Variants in LYRM4 observed in about 807,000 individuals in gnomAD.
LYRM4 encodes LYR motif containing 4.
In LYRM4, 9 loss-of-function variants were observed where a neutral mutation model predicts 11.7. That is an observed-to-expected ratio of 0.77 (90% CI 0.46 to 1.34). The LOEUF (loss-of-function observed/expected upper bound fraction) is 1.34. LYRM4 is among the 40% of genes most tolerant of loss of function. The pLI is 0.00. For missense variants in LYRM4, 133 were observed against 112.5 expected, an observed-to-expected ratio of 1.18 and a Z score of -0.82; for synonymous variants, 42 against 40.4, an observed-to-expected ratio of 1.04 and a Z score of -0.15.
chr6:5,245,089 T>TTAAAA lies in LYRM4; in HGVS notation c.86+15558_86+15559insTTTTA, dbSNP rs1347789118. On this transcript the variant is annotated intron_variant, in intron 1 of 2. Transcript: ENST00000330636. ...GCTGACTTTATTTGCAGGAAGACCT[T>TTAAAA]AAAAAAAAAAAAAAAAAAAAAAAAA... is the stretch of plus-strand genomic sequence containing the variant. Among the ~76,000 whole-genome samples, 9 of 15,496 alleles carry TTAAAA rather than the reference T, an allele frequency of 5.8e-4. 3 individuals carry two copies. The highest frequency in any genetic ancestry group is 1.5e-3 in the African/African-American group (9 of 5,986). 10.2% of individuals were successfully genotyped at this position (15,496 alleles called of 152,430 possible). A position where few individuals can be genotyped will look rare whatever the true frequency, so the allele number is the denominator to read the frequency against.
At chr6:5,148,805 ACTG>A (rs200469336) in intron 2 of LYRM4, among the ~76,000 whole-genome samples, 1 of 152,180 alleles carries the variant, frequency 6.6e-6, no homozygotes, top group East Asian at 1.9e-4. Flanking sequence ...TAATGGAATA[ACTG>A]CTAATTAAAT....
At chr6:5,076,422 T>C in the LYRM4 span, among the ~76,000 whole-genome samples, 5 of 152,322 alleles carry the variant, frequency 3.3e-5, no homozygotes, top group East Asian at 1.9e-4. Context: ...AATTCATTGA[T>C]AGCCTTGGGC....
intron 2 of LYRM4, among the ~76,000 whole-genome samples, chr6:5,130,871 T>G (rs1391829137): frequency 6.0e-5 from 9 of 151,200 alleles, no homozygotes; most frequent in African/African-American, 2.4e-5. Context: ...AAAAGAGAGA[T>G]AAACAGGGAA....
intron 1 of LYRM4, among the ~76,000 whole-genome samples, chr6:5,235,866 G>A (rs13202971): frequency 0.049 from 7,466 of 152,218 alleles, 603 homozygotes; most frequent in African/African-American, 0.16. Flanking sequence ...ACTGGAAAAA[G>A]TGTGAAAATA....
the LYRM4 span, among the ~76,000 whole-genome samples, chr6:5,036,855 T>G: frequency 6.6e-6 from 1 of 152,184 alleles, no homozygotes; most frequent in African/African-American, 2.4e-5. Context: ...GTTATACCAC[T>G]GGGAGCTCCT....
At chr6:5,121,942 G>C (rs1763475852) in intron 2 of LYRM4, among the ~76,000 whole-genome samples, 1 of 152,214 alleles carries the variant, frequency 6.6e-6, no homozygotes, top group East Asian at 1.9e-4. Context: ...TTCACCACCT[G>C]CTCTGGGGGA....
chr6:5,143,116 A>G (rs1757499139), intron 2 of LYRM4, among the ~76,000 whole-genome samples: 3 of 152,180 alleles, frequency 2.0e-5, no homozygotes, highest in East Asian at 1.9e-4. Flanking sequence ...CCTGTTCACA[A>G]TGCCTCAGGG....
the LYRM4 span, among the ~76,000 whole-genome samples, chr6:5,064,287 C>A: frequency 6.6e-6 from 1 of 152,070 alleles, no homozygotes; most frequent in African/African-American, 2.4e-5. Flanking sequence ...AAGCCCTGAA[C>A]GGCAAACGAG....
intron 1 of LYRM4, among the ~76,000 whole-genome samples, chr6:5,239,588 C>T (rs190019319): frequency 6.6e-5 from 10 of 151,992 alleles, no homozygotes; most frequent in Non-Finnish European, 1.0e-4. Flanking sequence ...GTGTCCCGCA[C>T]GCTAGGGAAG....
the LYRM4 span, among the ~76,000 whole-genome samples, chr6:5,092,475 G>T: frequency 2.6e-5 from 4 of 152,218 alleles, no homozygotes; most frequent in South Asian, 4.1e-4. Flanking sequence ...ACTTTCGGAG[G>T]CTGAGGCAGG....
intron 2 of LYRM4, among the ~76,000 whole-genome samples, chr6:5,149,258 A>G (rs575971263): frequency 6.6e-6 from 1 of 152,352 alleles, no homozygotes; most frequent in East Asian, 1.9e-4. Context: ...ACACGTGGGA[A>G]AAGCCTGCTA....
Position 5,108,666 on chromosome 6 carries a change from G to C in LYRM4, c.*757C>G, listed in dbSNP as rs1422333945. ...TTTGGGCACCGGTGCTGCCCAGCATGCCCCAGGCTTCAGGGTATGGGAGTC... is the reference window on the plus strand; with the variant it reads ...TTTGGGCACCGGTGCTGCCCAGCATCCCCCAGGCTTCAGGGTATGGGAGTC... On this transcript the variant is annotated 3_prime_UTR_variant, in exon 3 of 3. Transcript: ENST00000330636. 1.7e-6 allele frequency: 1 copy of C among 596,724 alleles called. No individual in the cohort carries two copies. The highest frequency in any genetic ancestry group is 2.1e-6 in the Non-Finnish European group (1 of 474,576). The allele number at this position is 596,724 out of a possible 1,614,324, so 37.0% of individuals were successfully genotyped here. A position where few individuals can be genotyped will look rare whatever the true frequency, so the allele number is the denominator to read the frequency against.
At chr6:5,139,258 C>T (rs1270899960) in intron 2 of LYRM4, among the ~76,000 whole-genome samples, 1 of 152,212 alleles carries the variant, frequency 6.6e-6, no homozygotes, top group Admixed American at 6.5e-5. Flanking sequence ...TGCATTTCCA[C>T]CTCGCTAACT....
intron 2 of LYRM4, among the ~76,000 whole-genome samples, chr6:5,203,190 G>A (rs1335980129): frequency 6.6e-6 from 1 of 152,154 alleles, no homozygotes; most frequent in African/African-American, 2.4e-5. Context: ...CATGATGCTC[G>A]GAAATACAGG....
chr6:5,260,583 A>G lies in LYRM4; in HGVS notation c.86+65T>C, dbSNP rs4141761. 456,818 of 1,104,190 alleles carry G rather than the reference A, an allele frequency of 0.41. 117,690 individuals are homozygous for G. The highest frequency in any genetic ancestry group is 0.5 in the South Asian group (37,341 of 75,262). 68.4% of individuals were successfully genotyped at this position (1,104,190 alleles called of 1,614,324 possible). A position where few individuals can be genotyped will look rare whatever the true frequency, so the allele number is the denominator to read the frequency against. Reference sequence around the variant, plus strand: ...CCAGTCCCCGGGGATATTCCGCGTCAGCCCGCACCCCCGGTCCCCGGCCCC... The same window carrying G: ...CCAGTCCCCGGGGATATTCCGCGTCGGCCCGCACCCCCGGTCCCCGGCCCC... On this transcript the variant is annotated intron_variant, in intron 1 of 2. Transcript: ENST00000330636.
intron 1 of LYRM4, among the ~76,000 whole-genome samples, chr6:5,251,242 C>T (rs151187459): frequency 3.9e-5 from 6 of 152,260 alleles, no homozygotes; most frequent in Admixed American, 6.5e-5. Flanking sequence ...GATTTGTCTC[C>T]AGAAGAATAT....
At chr6:5,035,239 C>G in the LYRM4 span, among the ~76,000 whole-genome samples, 77 of 152,110 alleles carry the variant, frequency 5.1e-4, 1 homozygote, top group African/African-American at 1.8e-3. Context: ...TTCCCACTAC[C>G]CTTACCCTGG....
intron 1 of LYRM4, among the ~76,000 whole-genome samples, chr6:5,254,922 A>G (rs1764599052): frequency 6.6e-6 from 1 of 152,120 alleles, no homozygotes; most frequent in African/African-American, 2.4e-5. Flanking sequence ...TACTCACGGC[A>G]GCAATTTACG....
chr6:5,098,995 T>C (rs1762420112), downstream of LYRM4, among the ~76,000 whole-genome samples: 1 of 152,116 alleles, frequency 6.6e-6, no homozygotes, highest in Non-Finnish European at 1.5e-5. Flanking sequence ...CCAGTGCTGC[T>C]CACAGTGACC....
Sources: gnomAD v4.1 joint callset for allele counts (sites outside exome capture counted in the v4.1 genomes callset) on GRCh38, gnomAD v4.1.1 for gene constraint, MANE v1.5 for transcripts, NCBI Gene and HGNC (gene_info 2026-07-23, HGNC 2026-07-21) for gene names.